GSE1: variants seen among roughly 807,000 people sequenced by gnomAD.
The protein encoded by GSE1 is genetic suppressor element 1.
In GSE1, 32 loss-of-function variants were observed where a neutral mutation model predicts 112.6. That is an observed-to-expected ratio of 0.28 (90% CI 0.21 to 0.38). GSE1 has a LOEUF of 0.38. GSE1 is among the 10% of genes least tolerant of loss of function. The pLI, the probability that GSE1 is intolerant of heterozygous loss-of-function variation, is 1.00. For synonymous variants in GSE1, 1,115 were observed against 735.6 expected, an observed-to-expected ratio of 1.52 and a Z score of -8.35; for missense variants, 2,348 against 1,699.2, an observed-to-expected ratio of 1.38 and a Z score of -6.71.
chr16:85,520,931 G>A (rs1044559688), intron 2 of GSE1, among the ~76,000 whole-genome samples: 2 of 152,306 alleles, frequency 1.3e-5, no homozygotes, highest in Admixed American at 6.5e-5. Flanking sequence ...CTGACAGCTG[G>A]CCAGCACTGC....
At chr16:85,230,647 A>G (rs1325750044) in intron 1 of GSE1, among the ~76,000 whole-genome samples, 1 of 152,194 alleles carries the variant, frequency 6.6e-6, no homozygotes, top group Non-Finnish European at 1.5e-5. Context: ...GATCCTGGAC[A>G]TGTGGGGAGA....
intron 2 of GSE1, among the ~76,000 whole-genome samples, chr16:85,512,354 G>A (rs940251518): frequency 1.3e-5 from 2 of 152,164 alleles, no homozygotes; most frequent in Non-Finnish European, 2.9e-5. Context: ...CGGGCCCCAG[G>A]ACAGCGTCTT....
intron 2 of GSE1, among the ~76,000 whole-genome samples, chr16:85,644,743 T>C (rs974316769): frequency 6.6e-6 from 1 of 152,024 alleles, no homozygotes; most frequent in Non-Finnish European, 1.5e-5. Flanking sequence ...CGCACAACTC[T>C]GGACGTGCTA....
chr16:85,291,795 TA>T (rs2045221444), intron 1 of GSE1, among the ~76,000 whole-genome samples: 1 of 152,194 alleles, frequency 6.6e-6, no homozygotes, highest in Non-Finnish European at 1.5e-5. Context: ...GTGGGGCCCA[TA>T]ACCTCCTGGT....
chr16:85,614,323 C>T (rs1014251645), intron 1 of GSE1, among the ~76,000 whole-genome samples: 2 of 152,172 alleles, frequency 1.3e-5, no homozygotes, highest in African/African-American at 2.4e-5. Context: ...CCTCCTCGGC[C>T]GCCCGCCCGC....
chr16:85,466,190 C>T (rs190219443), intron 2 of GSE1, among the ~76,000 whole-genome samples: 403 of 152,350 alleles, frequency 2.6e-3, no homozygotes, highest in Non-Finnish European at 3.9e-3. Context: ...AAAGCCAGGT[C>T]GTGGTAACCT....
At chr16:85,480,828 T>C (rs928220919) in intron 2 of GSE1, among the ~76,000 whole-genome samples, 1 of 152,108 alleles carries the variant, frequency 6.6e-6, no homozygotes, top group African/African-American at 2.4e-5. Flanking sequence ...CCCTGAAGTT[T>C]TGACCTGAGG....
chr16:85,552,793 C>A (rs1428091228), upstream of GSE1, among the ~76,000 whole-genome samples: 1 of 152,212 alleles, frequency 6.6e-6, no homozygotes, highest in Non-Finnish European at 1.5e-5. Flanking sequence ...AAGGGGGGCA[C>A]CCAGCAGATT....
At chr16:85,334,655 C>T (rs1791986016) in intron 1 of GSE1, among the ~76,000 whole-genome samples, 1 of 152,128 alleles carries the variant, frequency 6.6e-6, no homozygotes, top group African/African-American at 2.4e-5. Context: ...TATGTGTGAC[C>T]CATGGAGGGA....
At chr16:85,448,473 C>T (rs1335512098) in intron 2 of GSE1, among the ~76,000 whole-genome samples, 3 of 152,218 alleles carry the variant, frequency 2.0e-5, no homozygotes, top group Admixed American at 6.5e-5. Context: ...CCTGGAGATG[C>T]TCCAGTCACC....
At chr16:85,314,098 C>T (rs1380148363) in intron 1 of GSE1, among the ~76,000 whole-genome samples, 1 of 151,416 alleles carries the variant, frequency 6.6e-6, no homozygotes, top group East Asian at 1.9e-4. Flanking sequence ...GTGTGTGACA[C>T]AGCTCTGTGT....
intron 2 of GSE1, among the ~76,000 whole-genome samples, chr16:85,510,280 A>G (rs926651198): frequency 5.3e-5 from 8 of 152,220 alleles, no homozygotes; most frequent in Admixed American, 2.6e-4. Flanking sequence ...CGAGGACCCC[A>G]CTGTGTGAGG....
chr16:85,639,519 G>T (rs1357523820), intron 2 of GSE1, among the ~76,000 whole-genome samples: 1 of 152,258 alleles, frequency 6.6e-6, no homozygotes, highest in South Asian at 2.1e-4. Flanking sequence ...CTGCCTTGCG[G>T]GTGTGTCGGG....
At chr16:85,253,069 A>ACCCCCC (rs56691935) in intron 1 of GSE1, among the ~76,000 whole-genome samples, 2 of 57,814 alleles carry the variant, frequency 3.5e-5, no homozygotes, top group African/African-American at 6.9e-5. Flanking sequence ...CCCCCCCCCC[A>ACCCCCC]CCCCCCCCCC....
intron 1 of GSE1, among the ~76,000 whole-genome samples, chr16:85,242,155 T>C (rs1905219598): frequency 6.6e-6 from 1 of 152,186 alleles, no homozygotes; most frequent in African/African-American, 2.4e-5. Flanking sequence ...CATCTCGCCC[T>C]GTGGATGCCT....
chr16:85,444,468 C>T (rs141151602), intron 2 of GSE1, among the ~76,000 whole-genome samples: 2 of 152,046 alleles, frequency 1.3e-5, no homozygotes, highest in Non-Finnish European at 1.5e-5. Flanking sequence ...TGAGAGCTGC[C>T]GAGTCTGGTT....
At chr16:85,639,240 G>C (rs920179506) in intron 2 of GSE1, among the ~76,000 whole-genome samples, 1 of 152,180 alleles carries the variant, frequency 6.6e-6, no homozygotes, top group Non-Finnish European at 1.5e-5. Context: ...GCCAGCTCCC[G>C]CTGTAGCCCA....
chr16:85,480,811 G>C (rs150090478), intron 2 of GSE1, among the ~76,000 whole-genome samples: 1 of 152,108 alleles, frequency 6.6e-6, no homozygotes, highest in Non-Finnish European at 1.5e-5. Context: ...ACATCCCAGC[G>C]CCTGCTCCCT....
chr16:85,293,801 G>A (rs2151445089), intron 1 of GSE1, among the ~76,000 whole-genome samples: 1 of 152,274 alleles, frequency 6.6e-6, no homozygotes, highest in East Asian at 1.9e-4. Flanking sequence ...GCCATCATGT[G>A]ACCTTCTCTG....
Sources: gnomAD v4.1 joint callset for allele counts (sites outside exome capture counted in the v4.1 genomes callset) on GRCh38, gnomAD v4.1.1 for gene constraint, MANE v1.5 for transcripts, NCBI Gene and HGNC (gene_info 2026-07-23, HGNC 2026-07-21) for gene names.